ROBO2: variants seen among roughly 807,000 people sequenced by gnomAD.
ROBO2 encodes the protein roundabout guidance receptor 2.
A neutral mutation model predicts 160.8 loss-of-function variants in ROBO2; 53 were observed. The ratio of observed to expected loss-of-function variants is 0.33; its 90% CI spans 0.26 to 0.41. The LOEUF is 0.41. ROBO2 is among the 10% of genes least tolerant of loss of function. The probability of loss-of-function intolerance (pLI) is 1.00; values close to 1 mark genes in which losing one functional copy is unlikely to be tolerated. For synonymous variants in ROBO2, 664 were observed against 611.7 expected, an observed-to-expected ratio of 1.09 and a Z score of -1.26; for missense variants, 1,577 against 1,722.4, an observed-to-expected ratio of 0.92 and a Z score of 1.49.
chr3:75,930,007 T>C (rs906736731), intron 1 of ROBO2, among the ~76,000 whole-genome samples: 1 of 152,232 alleles, frequency 6.6e-6, no homozygotes, highest in African/African-American at 2.4e-5. Flanking sequence ...TTGTCATTTA[T>C]TTAAGGCTTT....
intron 2 of ROBO2, among the ~76,000 whole-genome samples, chr3:76,321,427 C>T (rs892620594): frequency 7.2e-5 from 11 of 152,028 alleles, no homozygotes; most frequent in African/African-American, 2.4e-4. Context: ...CTCTTGAACC[C>T]AGGAGGCGGA....
intron 2 of ROBO2, among the ~76,000 whole-genome samples, chr3:76,846,612 G>A (rs1476197566): frequency 2.0e-5 from 3 of 152,138 alleles, no homozygotes; most frequent in African/African-American, 4.8e-5. Flanking sequence ...TGGGCTAGAA[G>A]TGGTTTTTAA....
At chr3:77,366,768 T>TGAGAGAGAGAAAGAGACA (rs201494665) in intron 2 of ROBO2, among the ~76,000 whole-genome samples, 4,248 of 148,444 alleles carry the variant, frequency 0.029, 78 homozygotes, top group Non-Finnish European at 0.041. Context: ...GAAGTGAGAG[T>TGAGAGAGAGAAAGAGACA]GAGAGAGAGA....
chr3:76,068,227 C>T (rs2171638), intron 2 of ROBO2, among the ~76,000 whole-genome samples: 97,837 of 151,896 alleles, frequency 0.64, 32,185 homozygotes, highest in African/African-American at 0.78. Flanking sequence ...GGGTAAGGAG[C>T]TCTGTCTGAC....
chr3:76,107,919 G>A (rs1235041295), intron 2 of ROBO2, among the ~76,000 whole-genome samples: 1 of 152,026 alleles, frequency 6.6e-6, no homozygotes, highest in South Asian at 2.1e-4. Context: ...TGAGTTATGA[G>A]TAATTGTTGC....
At chr3:76,201,122 A>G (rs1702505682) in intron 2 of ROBO2, among the ~76,000 whole-genome samples, 1 of 152,180 alleles carries the variant, frequency 6.6e-6, no homozygotes, top group Non-Finnish European at 1.5e-5. Context: ...CCTGAGGTTT[A>G]TAAATGGTTT....
intron 2 of ROBO2, among the ~76,000 whole-genome samples, chr3:76,431,317 T>A (rs565322142): frequency 6.6e-6 from 1 of 152,242 alleles, no homozygotes; most frequent in Admixed American, 6.5e-5. Flanking sequence ...AAAATTAACA[T>A]ATGTACTAGT....
chr3:75,995,046 CAG>C (rs2107530762), intron 2 of ROBO2, among the ~76,000 whole-genome samples: 1 of 152,234 alleles, frequency 6.6e-6, no homozygotes, highest in Non-Finnish European at 1.5e-5. Flanking sequence ...CAAGAGGTGA[CAG>C]AGCATAAAAG....
intron 2 of ROBO2, among the ~76,000 whole-genome samples, chr3:76,592,852 G>A (rs574546170): frequency 6.6e-6 from 1 of 151,938 alleles, no homozygotes; most frequent in African/African-American, 2.4e-5. Flanking sequence ...GACTGAAATC[G>A]TACTATCTTC....
chr3:76,900,797 T>G (rs1037426406), intron 2 of ROBO2, among the ~76,000 whole-genome samples: 2 of 152,202 alleles, frequency 1.3e-5, no homozygotes, highest in African/African-American at 4.8e-5. Flanking sequence ...AGTTCCTGTA[T>G]GCAGTGAGAA....
At chr3:76,917,082 C>G (rs1227029981) in intron 2 of ROBO2, among the ~76,000 whole-genome samples, 1 of 152,056 alleles carries the variant, frequency 6.6e-6, no homozygotes, top group Non-Finnish European at 1.5e-5. Context: ...TAATGATAAC[C>G]GACAAACCAA....
chr3:76,366,932 G>T (rs953374574), intron 2 of ROBO2, among the ~76,000 whole-genome samples: 2 of 151,896 alleles, frequency 1.3e-5, no homozygotes, highest in Admixed American at 6.6e-5. Flanking sequence ...AGCATATTTT[G>T]TTTTAAACTA....
At chr3:77,421,160 A>AATCTGTAAAG (rs1182419869) in intron 2 of ROBO2, among the ~76,000 whole-genome samples, 3 of 152,142 alleles carry the variant, frequency 2.0e-5, no homozygotes, top group African/African-American at 7.2e-5. Context: ...TTAGGTTTTT[A>AATCTGTAAAG]ATCTGTAAAG....
At chr3:77,492,349 T>A (rs751201823) in intron 4 of ROBO2, among the ~76,000 whole-genome samples, 1 of 152,182 alleles carries the variant, frequency 6.6e-6, no homozygotes, top group Non-Finnish European at 1.5e-5. Context: ...TACATAAAAC[T>A]ACTTTTTGAT....
intron 2 of ROBO2, among the ~76,000 whole-genome samples, chr3:77,475,323 T>G (rs2083870487): frequency 6.6e-6 from 1 of 152,176 alleles, no homozygotes; most frequent in African/African-American, 2.4e-5. Flanking sequence ...TTCCCCCTTT[T>G]TGTTGAATGC....
chr3:76,251,365 A>G (rs1214392547), intron 2 of ROBO2, among the ~76,000 whole-genome samples: 1 of 152,082 alleles, frequency 6.6e-6, no homozygotes. Flanking sequence ...CTCCTTTGCC[A>G]GTGAACAGCT....
At chr3:77,381,054 G>A (rs550005591) in intron 2 of ROBO2, among the ~76,000 whole-genome samples, 4 of 152,272 alleles carry the variant, frequency 2.6e-5, no homozygotes, top group Admixed American at 1.3e-4. Context: ...AGTGGCTCAC[G>A]CCTGTAATCC....
intron 2 of ROBO2, among the ~76,000 whole-genome samples, chr3:77,121,947 G>A (rs2074815877): frequency 6.6e-6 from 1 of 152,022 alleles, no homozygotes; most frequent in Non-Finnish European, 1.5e-5. Context: ...GAAATTTAAT[G>A]GCAGGGTAGA....
At chr3:76,634,044 ACATCAC>A (rs2090176765) in intron 2 of ROBO2, among the ~76,000 whole-genome samples, 2 of 152,230 alleles carry the variant, frequency 1.3e-5, no homozygotes, top group South Asian at 2.1e-4. Flanking sequence ...TCATTTGCTA[ACATCAC>A]AATTATGCTA....
Sources: allele counts gnomAD v4.1 joint callset (sites outside exome capture counted in the v4.1 genomes callset), GRCh38; gene constraint gnomAD v4.1.1; transcripts MANE v1.5; gene names NCBI Gene and HGNC (gene_info 2026-07-23, HGNC 2026-07-21).